The following GNB1 variants were observed in gnomAD, a reference collection of about 807,000 sequenced individuals.
GNB1 encodes G protein subunit beta 1.
In GNB1, 2 loss-of-function variants were observed where a neutral mutation model predicts 42.9. The observed-to-expected ratio is 0.05, with a 90% CI of 0.02 to 0.15. GNB1 has a LOEUF of 0.15. Ranked by LOEUF, GNB1 falls within the 10% of genes least tolerant of loss-of-function variation. The pLI, the probability that GNB1 is intolerant of heterozygous loss-of-function variation, is 1.00. For missense variants in GNB1, 193 were observed against 462.2 expected, an observed-to-expected ratio of 0.42 and a Z score of 5.34; for synonymous variants, 183 against 174.7, an observed-to-expected ratio of 1.05 and a Z score of -0.38.
chr1:1,875,814 G>A (rs1307037187), intron 1 of GNB1, among the ~76,000 whole-genome samples: 2 of 141,158 alleles, frequency 1.4e-5, no homozygotes, highest in African/African-American at 2.7e-5. Context: ...GAAGCTCTAG[G>A]AACTTTAGCA....
Position 1,824,102 on chromosome 1 carries a change from G to A in GNB1, c.57+1295C>T, listed in dbSNP as rs866899018. Among the ~76,000 whole-genome samples, 5 of 152,242 alleles carry A rather than the reference G, an allele frequency of 3.3e-5. No homozygotes were observed. The Middle Eastern group carries it at 0.01, about 311-fold the overall frequency. On this transcript the variant is annotated intron_variant, in intron 3 of 11. Transcript: ENST00000378609. Reference sequence around the variant, plus strand: ...TGAAGAACAGCTAAAGCTTGACAGAGCAAACAAGAGTAAGAGAAAGCTCTT... The same window carrying A: ...TGAAGAACAGCTAAAGCTTGACAGAACAAACAAGAGTAAGAGAAAGCTCTT...
At chr1:1,855,158 C>CA (rs35111543) in intron 1 of GNB1, among the ~76,000 whole-genome samples, 6,281 of 133,036 alleles carry the variant, frequency 0.047, 385 homozygotes, top group African/African-American at 0.13. Context: ...GACCGTATCT[C>CA]AAAAAAAAAA....
intron 5 of GNB1, among the ~76,000 whole-genome samples, chr1:1,807,463 GAAAA>G (rs533616486): frequency 1.2e-3 from 31 of 25,568 alleles, no homozygotes; most frequent in African/African-American, 7.0e-3. Context: ...GATCCTGACT[GAAAA>G]AAAAAAAAAA....
chr1:1,882,752 C>A (rs1461681032), intron 1 of GNB1, among the ~76,000 whole-genome samples: 1 of 151,990 alleles, frequency 6.6e-6, no homozygotes, highest in Non-Finnish European at 1.5e-5. Flanking sequence ...GAAACCCTGT[C>A]TCTACTAAAA....
chr1:1,802,495 G>A (rs1394624023), intron 7 of GNB1, among the ~76,000 whole-genome samples: 1 of 152,138 alleles, frequency 6.6e-6, no homozygotes, highest in Middle Eastern at 3.2e-3. Flanking sequence ...TAGGCTGGGA[G>A]TGGTGGCTCA....
chr1:1,885,560 T>TA (rs2101929630), intron 1 of GNB1, among the ~76,000 whole-genome samples: 1 of 145,902 alleles, frequency 6.9e-6, no homozygotes, highest in East Asian at 2.0e-4. Context: ...TCTTTTTTTT[T>TA]TTTTTTTTTT....
chr1:1,871,816 C>T (rs889937166), intron 1 of GNB1, among the ~76,000 whole-genome samples: 5 of 152,136 alleles, frequency 3.3e-5, no homozygotes, highest in African/African-American at 1.2e-4. Context: ...CTTCCTTTCC[C>T]TACTCCCCTA....
At chr1:1,794,652 G>GT (rs1272624441) in intron 7 of GNB1, among the ~76,000 whole-genome samples, 1 of 152,202 alleles carries the variant, frequency 6.6e-6, no homozygotes, top group Non-Finnish European at 1.5e-5. Flanking sequence ...TGTAGAAAGT[G>GT]TAAGATTACA....
intron 7 of GNB1, among the ~76,000 whole-genome samples, chr1:1,803,615 T>A (rs960003907): frequency 4.6e-5 from 7 of 152,208 alleles, no homozygotes; most frequent in African/African-American, 1.7e-4. Context: ...TAAAGGCATA[T>A]CAGGCTTGTT....
At chr1:1,794,129 G>A (rs1014744771) in intron 7 of GNB1, 1 of 152,250 alleles carries the variant, frequency 6.6e-6, no homozygotes, top group African/African-American at 2.4e-5. Context: ...AGCATCAGAG[G>A]CGAGAGCAGG....
chr1:1,885,375 T>C (rs1650089621), intron 1 of GNB1, among the ~76,000 whole-genome samples: 1 of 150,540 alleles, frequency 6.6e-6, no homozygotes, highest in Non-Finnish European at 1.5e-5. Context: ...ACAGCGCCAT[T>C]GCACTCCAGC....
intron 7 of GNB1, among the ~76,000 whole-genome samples, chr1:1,796,069 A>G (rs1187198514): frequency 6.6e-6 from 1 of 152,174 alleles, no homozygotes; most frequent in African/African-American, 2.4e-5. Context: ...CCATACAACT[A>G]TTCTGTGTTT....
chr1:1,869,605 T>C (rs1002383303), intron 1 of GNB1, among the ~76,000 whole-genome samples: 1 of 152,170 alleles, frequency 6.6e-6, no homozygotes, highest in Non-Finnish European at 1.5e-5. Context: ...GAGGTGGCAG[T>C]AGAGGAGCCT....
intron 1 of GNB1, among the ~76,000 whole-genome samples, chr1:1,879,274 C>A (rs1436214127): frequency 6.6e-6 from 1 of 152,178 alleles, no homozygotes; most frequent in African/African-American, 2.4e-5. Context: ...TATTAAGGAC[C>A]CCAGGGGCTT....
At chr1:1,852,571 T>G (rs1031307161) in intron 1 of GNB1, among the ~76,000 whole-genome samples, 3 of 151,816 alleles carry the variant, frequency 2.0e-5, no homozygotes, top group African/African-American at 4.8e-5. Context: ...GGTGCATACC[T>G]GTAGTCCTAG....
rs781235590 is a variant in GNB1 at position 1,789,171 on chromosome 1, A to G, written c.798T>C (p.His266=). The G allele has an allele frequency of 1.9e-6, 3 of 1,614,010 alleles. No individual in the cohort carries two copies. The highest frequency in any genetic ancestry group is 2.5e-6 in the Non-Finnish European group (3 of 1,179,846). ...AGGTGATCCCGCAGATGATGTTGTC[A>G]TGGGAGTAAGTCATGAGCTCCTGGT... is the stretch of plus-strand genomic sequence containing the variant. ...RADQELMTYS[H]DNIICGITSV... Residue 266 remains histidine (H), a synonymous_variant, in exon 10 of 12, where the codon CAT becomes CAC. Transcript: ENST00000378609.
At position 1,786,161 on chromosome 1, in the gene GNB1, G is replaced by C; in HGVS notation, c.*902C>G. The C allele has an allele frequency of 2.5e-6, 1 of 398,432 alleles. No individual in the cohort carries two copies. The highest frequency in any genetic ancestry group is 4.4e-6 in the Non-Finnish European group (1 of 225,894). 24.7% of individuals were successfully genotyped at this position (398,432 alleles called of 1,614,324 possible). On this transcript the variant is annotated 3_prime_UTR_variant, in exon 12 of 12. Transcript: ENST00000378609. ...ATAATTGACTGACTATCCAAGCACA[G>C]GACAGGCATCTCTCTTGAAAACAGA...
intron 8 of GNB1, among the ~76,000 whole-genome samples, chr1:1,792,286 C>T (rs1316244257): frequency 6.6e-6 from 1 of 152,034 alleles, no homozygotes; most frequent in Non-Finnish European, 1.5e-5. Context: ...TGACATGATG[C>T]TATCAGAAAG....
Position 1,790,305 on chromosome 1 carries a change from C to T in GNB1, c.699+90G>A, listed in dbSNP as rs1450866462. On this transcript the variant is annotated intron_variant, in intron 9 of 11. Transcript: ENST00000378609. The surrounding 1 kb of genome is among the most constrained non-coding windows in gnomAD (Gnocchi z 5.4). The stretch of plus-strand genomic sequence containing the variant: ...GTTGTATAAGGATCAGAAAGGAGAA[C>T]ATCTAATCCAGAAAAGTTTAAAATT... 1.2e-6 allele frequency: 1 copy of T among 850,402 alleles called. No individual in the cohort carries two copies. 52.7% of individuals were successfully genotyped at this position (850,402 alleles called of 1,614,324 possible). A position where few individuals can be genotyped will look rare whatever the true frequency, so the allele number is the denominator to read the frequency against.
Sources: gnomAD v4.1 joint callset for allele counts (sites outside exome capture counted in the v4.1 genomes callset) on GRCh38, gnomAD v4.1.1 for gene constraint, Gnocchi (gnomAD v3.1) non-coding constraint, MANE v1.5 for transcripts, NCBI Gene and HGNC (gene_info 2026-07-23, HGNC 2026-07-21) for gene names.